CADPS2: variants seen among roughly 807,000 people sequenced by gnomAD.
CADPS2 encodes calcium-dependent secretion activator 2.
In CADPS2, 93 loss-of-function variants were observed where a neutral mutation model predicts 172.5. The observed-to-expected ratio is 0.54, with a 90% CI of 0.46 to 0.64. The LOEUF is 0.64. Ranked by LOEUF, CADPS2 falls within the 30% of genes least tolerant of loss-of-function variation. The pLI, the probability that CADPS2 is intolerant of heterozygous loss-of-function variation, is 0.00. For missense variants in CADPS2, 1,420 were observed against 1,565.9 expected, an observed-to-expected ratio of 0.91 and a Z score of 1.57; for synonymous variants, 546 against 555.2, an observed-to-expected ratio of 0.98 and a Z score of 0.23.
chr7:122,652,493 AATAT>A (rs1396151927), intron 3 of CADPS2, among the ~76,000 whole-genome samples: 5 of 152,164 alleles, frequency 3.3e-5, no homozygotes, highest in African/African-American at 4.8e-5. Context: ...TCTCTAAAAG[AATAT>A]ATATATTTGA....
chr7:122,350,251 A>G (rs1421364234), intron 27 of CADPS2, among the ~76,000 whole-genome samples: 2 of 152,242 alleles, frequency 1.3e-5, no homozygotes, highest in African/African-American at 4.8e-5. Flanking sequence ...TTGAAATTGT[A>G]GTAGGAGCAA....
chr7:122,574,141 T>TA (rs952977868), intron 7 of CADPS2, among the ~76,000 whole-genome samples: 34 of 151,230 alleles, frequency 2.2e-4, no homozygotes, highest in South Asian at 6.3e-4. Context: ...ACTCATGTTT[T>TA]AAAAAAAAAT....
At chr7:122,449,227 G>C (rs1384605629) in intron 15 of CADPS2, among the ~76,000 whole-genome samples, 1 of 152,006 alleles carries the variant, frequency 6.6e-6, no homozygotes, top group Non-Finnish European at 1.5e-5. Flanking sequence ...CTCAACGGTA[G>C]CAAAAAAGAG....
intron 2 of CADPS2, among the ~76,000 whole-genome samples, chr7:122,700,617 T>C (rs371108978): frequency 3.9e-4 from 59 of 152,282 alleles, no homozygotes; most frequent in African/African-American, 1.4e-3. Flanking sequence ...TTTATTCATC[T>C]ACTAGAAAAA....
chr7:122,860,924 T>C (rs1816795158), intron 1 of CADPS2, among the ~76,000 whole-genome samples: 2 of 152,204 alleles, frequency 1.3e-5, no homozygotes, highest in African/African-American at 4.8e-5. Context: ...TTCTTTTTAA[T>C]AGTAAAATAG....
intron 15 of CADPS2, among the ~76,000 whole-genome samples, chr7:122,445,341 C>A (rs976287806): frequency 6.6e-6 from 1 of 152,000 alleles, no homozygotes; most frequent in Non-Finnish European, 1.5e-5. Flanking sequence ...TACAGTATCT[C>A]TCCTTCTATT....
At chr7:122,722,979 G>A (rs1324050590) in intron 2 of CADPS2, among the ~76,000 whole-genome samples, 1 of 152,012 alleles carries the variant, frequency 6.6e-6, no homozygotes, top group Non-Finnish European at 1.5e-5. Flanking sequence ...CTAGCTATAT[G>A]TAGACAGCTG....
chr7:122,749,374 C>T (rs758728014), intron 1 of CADPS2, among the ~76,000 whole-genome samples: 67 of 152,220 alleles, frequency 4.4e-4, no homozygotes, highest in Admixed American at 7.2e-4. Flanking sequence ...CAGAGAACAG[C>T]CACTGGATAG....
intron 27 of CADPS2, among the ~76,000 whole-genome samples, chr7:122,356,506 C>T (rs57309842): frequency 0.14 from 20,906 of 151,984 alleles, 1,466 homozygotes; most frequent in Non-Finnish European, 0.15. Context: ...TCTTCCTTTG[C>T]TTATTGTACT....
In CADPS2 at chr7:122,580,452, C is replaced by CAAAAA. The variant is rs34849650; in HGVS notation, c.1335+722_1335+726dup. 8.7e-4 allele frequency among the ~76,000 whole-genome samples: 116 copies of CAAAAA among 133,422 alleles called. 2 individuals are homozygous for CAAAAA. The highest frequency in any genetic ancestry group is 3.0e-3 in the African/African-American group (108 of 35,904). The allele number at this position is 133,422 out of a possible 152,430, so 87.5% of individuals were successfully genotyped here. Reference sequence around the variant, plus strand: ...TGGGCAACAGAGCAAGATTCTGTCTCAAAAAAAAAAAAAAACCCATTAAAA... The same window carrying CAAAAA: ...TGGGCAACAGAGCAAGATTCTGTCTCAAAAAAAAAAAAAAAAAAAACCCATTAAAA... On this transcript the variant is annotated intron_variant, in intron 7 of 29. Transcript: ENST00000449022.
intron 1 of CADPS2, among the ~76,000 whole-genome samples, chr7:122,833,715 G>A (rs1391140579): frequency 6.6e-6 from 1 of 152,026 alleles, no homozygotes; most frequent in Non-Finnish European, 1.5e-5. Flanking sequence ...AAATACTAAG[G>A]CTGAAGAAAG....
chr7:122,439,462 A>G (rs1194143287), intron 16 of CADPS2: 1 of 152,206 alleles, frequency 6.6e-6, no homozygotes, highest in Non-Finnish European at 1.5e-5. Context: ...TATTGAAAGA[A>G]TATGAAAACA....
At chr7:122,840,145 T>C (rs1809982670) in intron 1 of CADPS2, among the ~76,000 whole-genome samples, 2 of 152,152 alleles carry the variant, frequency 1.3e-5, no homozygotes, top group African/African-American at 4.8e-5. Flanking sequence ...TGGATGAAGC[T>C]GGAAACCATC....
chr7:122,379,390 A>G lies in CADPS2; in HGVS notation c.3365T>C (p.Ile1122Thr). ...DDLIDNSVKEIISLLVSKFVS... is the reference protein window; with the variant it reads ...DDLIDNSVKETISLLVSKFVS... Reference sequence around the variant, plus strand: ...TACCTTTGAAACTAACAGTGAAATGATTTCTTTTACACTGTTGTCGATCAG... The same window carrying G: ...TACCTTTGAAACTAACAGTGAAATGGTTTCTTTTACACTGTTGTCGATCAG... Residue 1122 changes from isoleucine to threonine, a missense_variant, in exon 25 of 30, where the codon ATC becomes ACC. Ile to Thr is a moderately conservative substitution (Grantham distance 89). Transcript: ENST00000449022. 6.3e-7 allele frequency: 1 copy of G among 1,599,994 alleles called. No individual in the cohort carries two copies. Among genetic ancestry groups the G allele is most frequent in the Non-Finnish European group, 8.5e-7 (1 of 1,169,654 alleles).
chr7:122,657,034 C>T (rs958790087), intron 3 of CADPS2, among the ~76,000 whole-genome samples: 2 of 152,108 alleles, frequency 1.3e-5, no homozygotes, highest in African/African-American at 4.8e-5. Flanking sequence ...TATGGCTAGC[C>T]AGTTTTCCCA....
rs1158047692 is a variant in CADPS2, at chr7:122,581,282, G to T, written c.1232C>A (p.Thr411Asn). 1 of 1,612,124 alleles carries T rather than the reference G, an allele frequency of 6.2e-7. No homozygotes were observed. Among genetic ancestry groups the T allele is most frequent in the East Asian group, 2.2e-5 (1 of 44,772 alleles). Reference protein sequence around the residue: ...QAEASRPQWGTQGDFTTTHPR... With the variant: ...QAEASRPQWGNQGDFTTTHPR... ...ATGGGTGGTGGTGAAATCTCCTTGA[G>T]TCCCCCATCTGTAATGAAGTAAAAA... The change falls in exon 7 of 30, where the codon ACT (threonine) becomes AAT (asparagine). Residue 411 changes from threonine (T) to asparagine (N), a missense_variant. Physicochemically the swap from Thr to Asn is moderately conservative, Grantham distance 65 (BLOSUM62 0). Coordinates refer to ENST00000449022, the MANE Select transcript of CADPS2 (RefSeq NM_017954.11).
intron 28 of CADPS2, among the ~76,000 whole-genome samples, chr7:122,330,380 C>T (rs1451133560): frequency 6.6e-6 from 1 of 152,136 alleles, no homozygotes; most frequent in African/African-American, 2.4e-5. Context: ...TACAATTTCA[C>T]CAGTATATTT....
At chr7:122,492,536 C>A (rs2058384984) in intron 9 of CADPS2, among the ~76,000 whole-genome samples, 1 of 152,112 alleles carries the variant, frequency 6.6e-6, no homozygotes, top group African/African-American at 2.4e-5. Flanking sequence ...GCAGCAAAGA[C>A]GTCAGATGCT....
At chr7:122,444,684 T>C (rs958622427) in intron 15 of CADPS2, among the ~76,000 whole-genome samples, 23 of 152,204 alleles carry the variant, frequency 1.5e-4, no homozygotes, top group African/African-American at 5.3e-4. Context: ...AAGTTTTATA[T>C]ATTCTGAATA....
Sources: allele counts gnomAD v4.1 joint callset (sites outside exome capture counted in the v4.1 genomes callset), GRCh38; gene constraint gnomAD v4.1.1; transcripts MANE v1.5; gene names NCBI Gene and HGNC (gene_info 2026-07-23, HGNC 2026-07-21).